FAM120A: variants seen among roughly 807,000 people sequenced by gnomAD.
FAM120A encodes family with sequence similarity 120 member A.
In FAM120A, 15 loss-of-function variants were observed where a neutral mutation model predicts 109.7. The ratio of observed to expected loss-of-function variants is 0.14; its 90% CI spans 0.09 to 0.21. FAM120A has a LOEUF of 0.21. Ranked by LOEUF, FAM120A falls within the 10% of genes least tolerant of loss-of-function variation. FAM120A has a pLI of 1.00. For missense variants in FAM120A, 899 were observed against 1,439.3 expected (o/e 0.62, Z 6.07); for synonymous variants, 493 against 572.8 (o/e 0.86, Z 1.99).
rs574383037 is a variant in FAM120A, at chr9:93,536,124, G to A, written c.1909+3795G>A. Reference sequence around the variant, plus strand: ...AAAAGTTTCTCAGGAGTTCTTGATTGAGAAGATGGAACAATGATTGTATTT... The same window carrying A: ...AAAAGTTTCTCAGGAGTTCTTGATTAAGAAGATGGAACAATGATTGTATTT... On this transcript the variant is annotated intron_variant, in intron 10 of 17. Transcript: ENST00000277165. Among the ~76,000 whole-genome samples the A allele has an allele frequency of 2.6e-5, 4 of 152,298 alleles. No individual in the cohort carries two copies. The South Asian group carries it at 8.3e-4, about 32-fold the overall frequency.
chr9:93,523,784 G>A (rs1374792827), intron 7 of FAM120A, among the ~76,000 whole-genome samples: 1 of 152,232 alleles, frequency 6.6e-6, no homozygotes, highest in African/African-American at 2.4e-5. Context: ...ACATGGAAAA[G>A]TGCTTTCTGT....
At position 93,467,246 on chromosome 9, in the gene FAM120A, A is replaced by ACC. The variant is rs369928187; in HGVS notation, c.475-3884_475-3883dup. ...GATTTTCTTTGCCAGATCTGCTGTC[A>ACC]CCCCCCCCCCCCTTTTCCCCCATTG... is the stretch of plus-strand genomic sequence containing the variant. On this transcript the variant is annotated intron_variant, in intron 1 of 17. Transcript: ENST00000277165. Among the ~76,000 whole-genome samples, 64 of 62,846 alleles carry ACC rather than the reference A, an allele frequency of 1.0e-3. 3 individuals carry two copies. Among genetic ancestry groups the ACC allele is most frequent in the African/African-American group, 2.3e-3 (37 of 16,400 alleles). The allele number at this position is 62,846 out of a possible 152,430, so 41.2% of individuals were successfully genotyped here.
intron 10 of FAM120A, among the ~76,000 whole-genome samples, chr9:93,534,054 G>A (rs757122488): frequency 1.1e-4 from 17 of 152,088 alleles, no homozygotes; most frequent in Admixed American, 2.6e-4. Context: ...TACCAAACAC[G>A]CCCAGGAAGT....
chr9:93,457,812 T>C (rs2131200086), intron 1 of FAM120A, among the ~76,000 whole-genome samples: 1 of 152,250 alleles, frequency 6.6e-6, no homozygotes, highest in East Asian at 1.9e-4. Flanking sequence ...CTTTTTTTTT[T>C]TTTTACTTTA....
At chr9:93,537,310 A>G (rs1447576838) in intron 10 of FAM120A, among the ~76,000 whole-genome samples, 1 of 152,184 alleles carries the variant, frequency 6.6e-6, no homozygotes, top group Non-Finnish European at 1.5e-5. Flanking sequence ...GGCAAATGAG[A>G]CAGAGTAAAA....
At chr9:93,549,658 T>C (rs1402104121) in intron 11 of FAM120A, among the ~76,000 whole-genome samples, 2 of 152,230 alleles carry the variant, frequency 1.3e-5, no homozygotes, top group African/African-American at 4.8e-5. Context: ...GTTAAGCATG[T>C]CACGGTTCTC....
At chr9:93,524,828 C>G (rs754750887) in intron 7 of FAM120A, among the ~76,000 whole-genome samples, 9 of 152,174 alleles carry the variant, frequency 5.9e-5, no homozygotes, top group Non-Finnish European at 8.8e-5. Flanking sequence ...GCTTCCTGCA[C>G]AGTGCCCGGG....
chr9:93,452,789 C>T lies in FAM120A; in HGVS notation c.474+400C>T. The T allele has an allele frequency of 6.3e-7, 1 of 1,592,184 alleles. No homozygotes were observed. Among genetic ancestry groups the T allele is most frequent in the Non-Finnish European group, 8.5e-7 (1 of 1,177,530 alleles). ...TTTTCTAATTTAGCCTGTTCTTTCCCAGCAACAGGTTCATCTTGGAAGCAG... is the reference window on the plus strand; with the variant it reads ...TTTTCTAATTTAGCCTGTTCTTTCCTAGCAACAGGTTCATCTTGGAAGCAG... On this transcript the variant is annotated intron_variant, in intron 1 of 17. Transcript: ENST00000277165. This position sits in a 1 kb window ranked among gnomAD's most constrained non-coding sequence, Gnocchi z 7.0.
intron 15 of FAM120A, among the ~76,000 whole-genome samples, chr9:93,559,005 G>T (rs1434431904): frequency 6.6e-6 from 1 of 152,094 alleles, no homozygotes; most frequent in African/African-American, 2.4e-5. Flanking sequence ...CCATCGCCTC[G>T]TGTTCATAGG....
intron 2 of FAM120A, among the ~76,000 whole-genome samples, chr9:93,471,633 GA>G (rs1858318790): frequency 6.6e-6 from 1 of 152,138 alleles, no homozygotes. Context: ...TTAATTTTGT[GA>G]AAAAACTCAT....
rs2131563252 is a variant in FAM120A, at chr9:93,557,818, G to A, written c.2485-9G>A. On this transcript the variant is annotated splice_polypyrimidine_tract_variant and intron_variant, in intron 13 of 17. Coordinates refer to ENST00000277165, the MANE Select transcript of FAM120A (RefSeq NM_014612.5). Reference sequence around the variant, plus strand: ...ATGGCATTTTCACATGCTGGTCCTTGTCTTCCAGGCTGATCAGGCTGCCAA... The same window carrying A: ...ATGGCATTTTCACATGCTGGTCCTTATCTTCCAGGCTGATCAGGCTGCCAA... 6.2e-7 allele frequency: 1 copy of A among 1,610,146 alleles called. No homozygotes were observed. The highest frequency in any genetic ancestry group is 8.5e-7 in the Non-Finnish European group (1 of 1,177,510).
intron 1 of FAM120A, among the ~76,000 whole-genome samples, chr9:93,456,809 G>A (rs982295879): frequency 2.6e-5 from 4 of 152,128 alleles, no homozygotes; most frequent in Non-Finnish European, 5.9e-5. Context: ...CTTCAGCTAT[G>A]TTTTCTAGTT....
At chr9:93,525,532 A>G (rs1265784165) in intron 7 of FAM120A, among the ~76,000 whole-genome samples, 1 of 152,220 alleles carries the variant, frequency 6.6e-6, no homozygotes, top group Non-Finnish European at 1.5e-5. Flanking sequence ...TTTACATGCT[A>G]TGGAAGATAA....
chr9:93,466,759 A>C (rs1037617078), intron 1 of FAM120A, among the ~76,000 whole-genome samples: 1 of 152,050 alleles, frequency 6.6e-6, no homozygotes, highest in Non-Finnish European at 1.5e-5. Context: ...GTTCTCACTG[A>C]TGTCTCATGG....
chr9:93,476,435 CAA>C (rs1374420195), intron 3 of FAM120A, 97 bp downstream of exon 3: 13 of 780,796 alleles, frequency 1.7e-5, no homozygotes, highest in Middle Eastern at 2.3e-4. Flanking sequence ...GGTGATGCTA[CAA>C]AGTTAGCAAT....
In FAM120A at chr9:93,553,802, T is replaced by A. The variant is rs147015222; in HGVS notation, c.2275-2580T>A. On this transcript the variant is annotated intron_variant, in intron 12 of 17. Coordinates refer to ENST00000277165, the MANE Select transcript of FAM120A (RefSeq NM_014612.5). Reference sequence around the variant, plus strand: ...TTAGAGGTGCCTGCATTCTATGTTGTTTAGAGATGGCAGTGAGATAATGAA... The same window carrying A: ...TTAGAGGTGCCTGCATTCTATGTTGATTAGAGATGGCAGTGAGATAATGAA... Among the ~76,000 whole-genome samples the A allele has an allele frequency of 6.3e-3, 954 of 152,286 alleles. 9 individuals carry two copies. Among genetic ancestry groups the A allele is most frequent in the African/African-American group, 0.022 (896 of 41,536 alleles).
chr9:93,484,175 C>A (rs1356301376), intron 3 of FAM120A, among the ~76,000 whole-genome samples: 4 of 152,122 alleles, frequency 2.6e-5, no homozygotes, highest in Non-Finnish European at 5.9e-5. Flanking sequence ...CCTGCCTCAG[C>A]CTCCCAAGTA....
chr9:93,483,203 C>T (rs1374004771), intron 3 of FAM120A, among the ~76,000 whole-genome samples: 1 of 152,134 alleles, frequency 6.6e-6, no homozygotes, highest in Admixed American at 6.5e-5. Flanking sequence ...TTTCTCCTTA[C>T]ATGTTAGTGT....
intron 3 of FAM120A, among the ~76,000 whole-genome samples, chr9:93,496,130 A>G (rs1859566343): frequency 6.6e-6 from 1 of 152,160 alleles, no homozygotes; most frequent in Non-Finnish European, 1.5e-5. Flanking sequence ...TTCTCTTGCT[A>G]TTTCCACCAC....
Sources: allele counts gnomAD v4.1 joint callset (sites outside exome capture counted in the v4.1 genomes callset), GRCh38; gene constraint gnomAD v4.1.1; non-coding constraint Gnocchi (gnomAD v3.1); transcripts MANE v1.5; gene names NCBI Gene and HGNC (gene_info 2026-07-23, HGNC 2026-07-21).